Variants in MGAT4C observed in about 807,000 individuals in gnomAD.
MGAT4C encodes the protein alpha-1,3-mannosyl-glycoprotein 4-beta-N-acetylglucosaminyltransferase C.
A neutral mutation model predicts 40.1 loss-of-function variants in MGAT4C; 19 were observed. The observed-to-expected ratio is 0.47, with a 90% CI of 0.33 to 0.70. MGAT4C has a LOEUF of 0.70. Among genes scored for constraint, MGAT4C ranks in the 30% least tolerant of loss-of-function variants. The probability of loss-of-function intolerance (pLI) is 0.02; values close to 1 mark genes in which losing one functional copy is unlikely to be tolerated. For missense variants in MGAT4C, 491 were observed against 563.2 expected (o/e 0.87, Z 1.30); for synonymous variants, 181 against 187.1 (o/e 0.97, Z 0.27).
At chr12:86,558,669 A>G (rs1266746127) in intron 2 of MGAT4C, among the ~76,000 whole-genome samples, 1 of 152,110 alleles carries the variant, frequency 6.6e-6, no homozygotes, top group Non-Finnish European at 1.5e-5. Flanking sequence ...TCTGAAAGTT[A>G]AATGACAGTA....
In MGAT4C at chr12:85,961,878, C is replaced by T. The variant is rs1024291496; in HGVS notation, c.*17411G>A. On this transcript the variant is annotated 3_prime_UTR_variant, in exon 5 of 5. Coordinates refer to ENST00000611864, the MANE Select transcript of MGAT4C (RefSeq NM_001351288.2). ...TTAGGATTCTAAGGTTATTCTGTGA[C>T]GATGGAACTTAATGATGTAAGAGTT... The T allele has an allele frequency of 4.0e-5, 6 of 151,772 alleles. No individual in the cohort carries two copies. Among genetic ancestry groups the T allele is most frequent in the Admixed American group, 1.3e-4 (2 of 15,232 alleles). 9.4% of individuals were successfully genotyped at this position (151,772 alleles called of 1,614,324 possible). A position where few individuals can be genotyped will look rare whatever the true frequency, so the allele number is the denominator to read the frequency against.
At chr12:86,287,233 C>T (rs368912466) in intron 4 of MGAT4C, among the ~76,000 whole-genome samples, 3 of 152,094 alleles carry the variant, frequency 2.0e-5, no homozygotes, top group African/African-American at 4.8e-5. Context: ...AATTATTTGC[C>T]TTTTCCCCCA....
intron 1 of MGAT4C, among the ~76,000 whole-genome samples, chr12:86,248,436 T>C (rs983983509): frequency 6.6e-6 from 1 of 151,900 alleles, no homozygotes; most frequent in Admixed American, 6.6e-5. Flanking sequence ...CCTTTCTATA[T>C]CTCCACCTCC....
At chr12:86,764,379 G>A (rs1216855635) in intron 1 of MGAT4C, among the ~76,000 whole-genome samples, 7 of 152,292 alleles carry the variant, frequency 4.6e-5, no homozygotes, top group Admixed American at 4.6e-4. Context: ...ACTGGGTGGA[G>A]CCCACCACAG....
intron 1 of MGAT4C, among the ~76,000 whole-genome samples, chr12:86,774,347 C>CTTTT (rs1565981724): frequency 7.8e-4 from 33 of 42,332 alleles, no homozygotes; most frequent in South Asian, 2.3e-3. Flanking sequence ...TTCTGTCTCT[C>CTTTT]TCTCTCCCCT....
At chr12:86,447,542 A>G (rs1432186554) in intron 2 of MGAT4C, among the ~76,000 whole-genome samples, 1 of 152,138 alleles carries the variant, frequency 6.6e-6, no homozygotes, top group Non-Finnish European at 1.5e-5. Flanking sequence ...CTTCATGAGT[A>G]CCAGTTTTTT....
intron 1 of MGAT4C, among the ~76,000 whole-genome samples, chr12:86,815,495 G>T (rs1952582855): frequency 6.7e-6 from 1 of 150,208 alleles, no homozygotes; most frequent in Non-Finnish European, 1.5e-5. Context: ...CCACTACTGG[G>T]TATCTACCCA....
intron 2 of MGAT4C, among the ~76,000 whole-genome samples, chr12:86,472,105 T>C (rs1957765745): frequency 6.6e-6 from 1 of 152,150 alleles, no homozygotes; most frequent in African/African-American, 2.4e-5. Context: ...ATGCTCTAAT[T>C]TTTAAAAATG....
intron 2 of MGAT4C, among the ~76,000 whole-genome samples, chr12:86,606,835 G>C (rs1488650131): frequency 6.6e-6 from 1 of 152,032 alleles, no homozygotes; most frequent in African/African-American, 2.4e-5. Context: ...TTTGGTTTTT[G>C]TTCAAATTAT....
chr12:86,115,503 A>G (rs905064410), intron 1 of MGAT4C, among the ~76,000 whole-genome samples: 3 of 152,080 alleles, frequency 2.0e-5, no homozygotes, highest in Admixed American at 6.6e-5. Flanking sequence ...GTATGAAAAT[A>G]AGATGTTAAG....
chr12:86,078,777 GC>G (rs1195985976), intron 1 of MGAT4C, among the ~76,000 whole-genome samples: 4 of 152,212 alleles, frequency 2.6e-5, no homozygotes, highest in African/African-American at 9.6e-5. Flanking sequence ...GGGTGGCTGG[GC>G]AAAGAGGCTG....
intron 4 of MGAT4C, among the ~76,000 whole-genome samples, chr12:86,269,636 T>TA (rs144935421): frequency 6.6e-6 from 1 of 152,132 alleles, no homozygotes; most frequent in African/African-American, 2.4e-5. Flanking sequence ...TTTTTCTTCT[T>TA]AGAGAAACTG....
intron 2 of MGAT4C, among the ~76,000 whole-genome samples, chr12:86,493,606 A>C (rs10776981): frequency 0.66 from 97,257 of 147,858 alleles, 32,604 homozygotes; most frequent in South Asian, 0.8. Flanking sequence ...ATGAGAACAC[A>C]TGGACACAGG....
At chr12:86,097,460 G>T (rs959841421) in intron 1 of MGAT4C, among the ~76,000 whole-genome samples, 1 of 151,390 alleles carries the variant, frequency 6.6e-6, no homozygotes, top group African/African-American at 2.4e-5. Flanking sequence ...CATTTCTTCT[G>T]GACATTACTC....
rs996366533 is a variant in MGAT4C at position 85,976,647 on chromosome 12, T to TTA, written c.*2640_*2641dup. 15 of 146,712 alleles carry TTA rather than the reference T, an allele frequency of 1.0e-4. No homozygotes were observed. The highest frequency in any genetic ancestry group is 6.9e-4 in the Admixed American group (10 of 14,566). 9.1% of individuals were successfully genotyped at this position (146,712 alleles called of 1,614,324 possible). A position where few individuals can be genotyped will look rare whatever the true frequency, so the allele number is the denominator to read the frequency against. ...CAATTGTTATTTTTAACAAAGAAAA[T>TTA]TATATATATATGTATATATATATTA... On this transcript the variant is annotated 3_prime_UTR_variant, in exon 5 of 5. Coordinates refer to ENST00000611864, the MANE Select transcript of MGAT4C (RefSeq NM_001351288.2).
In MGAT4C at chr12:86,162,085, G is replaced by A. The variant is rs149862437; in HGVS notation, c.-57+94154C>T. On this transcript the variant is annotated intron_variant, in intron 1 of 4. Transcript: ENST00000611864. The stretch of plus-strand genomic sequence containing the variant: ...GGTCCTGCCACTGGAAAGCAGTCTG[G>A]AGATTTCACAAATAACTTAAAACAG... Among the ~76,000 whole-genome samples, 798 of 152,226 alleles carry A rather than the reference G, an allele frequency of 5.2e-3. 7 individuals carry two copies. The highest frequency in any genetic ancestry group is 0.018 in the African/African-American group (760 of 41,550).
chr12:86,749,772 T>C (rs1951206204), intron 1 of MGAT4C, among the ~76,000 whole-genome samples: 2 of 151,740 alleles, frequency 1.3e-5, no homozygotes. Flanking sequence ...TTCTACCTTT[T>C]TGAGGGAAGG....
chr12:86,642,802 T>C (rs935534610), intron 2 of MGAT4C, among the ~76,000 whole-genome samples: 4 of 151,496 alleles, frequency 2.6e-5, no homozygotes, highest in Admixed American at 6.6e-5. Flanking sequence ...TGTATATATA[T>C]ATTTTATATG....
intron 4 of MGAT4C, among the ~76,000 whole-genome samples, chr12:86,304,536 A>C (rs895870945): frequency 6.6e-6 from 1 of 150,780 alleles, no homozygotes; most frequent in Non-Finnish European, 1.5e-5. Context: ...GCTTTTAATC[A>C]TGCCATTGTT....
Sources: allele counts gnomAD v4.1 joint callset (sites outside exome capture counted in the v4.1 genomes callset), GRCh38; gene constraint gnomAD v4.1.1; transcripts MANE v1.5; gene names NCBI Gene and HGNC (gene_info 2026-07-23, HGNC 2026-07-21).